Variants in FRMPD1 observed in about 807,000 individuals in gnomAD.
The protein encoded by FRMPD1 is FERM and PDZ domain-containing protein 1.
FRMPD1 carries 76 observed loss-of-function variants against 117.8 expected under a neutral mutation model. The ratio of observed to expected loss-of-function variants is 0.65; its 90% CI spans 0.54 to 0.78. The LOEUF (loss-of-function observed/expected upper bound fraction) is 0.78, where lower values mean the gene tolerates loss of function less well. Ranked by LOEUF, FRMPD1 falls within the 30% of genes least tolerant of loss-of-function variation. The probability of loss-of-function intolerance (pLI) is 0.00; values close to 1 mark genes in which losing one functional copy is unlikely to be tolerated. For synonymous variants in FRMPD1, 783 were observed against 770.4 expected (o/e 1.02, Z -0.27); for missense variants, 1,786 against 1,964.5 (o/e 0.91, Z 1.72).
intron 5 of FRMPD1, among the ~76,000 whole-genome samples, chr9:37,713,077 A>G (rs111799835): frequency 0.01 from 1,551 of 152,098 alleles, 25 homozygotes; most frequent in African/African-American, 0.034. Context: ...ATATTAATAT[A>G]TATACTTAAT....
At chr9:37,668,172 C>T (rs937454296) in intron 1 of FRMPD1, 1 of 152,262 alleles carries the variant, frequency 6.6e-6, no homozygotes, top group Admixed American at 6.5e-5. Flanking sequence ...TTTCCTCTCT[C>T]GACTGGCTCA....
chr9:37,632,946 A>C, the FRMPD1 span, among the ~76,000 whole-genome samples: 1 of 146,824 alleles, frequency 6.8e-6, no homozygotes, highest in African/African-American at 2.5e-5. Context: ...TATATATATA[A>C]AAATATATAC....
chr9:37,617,190 C>A, the FRMPD1 span, among the ~76,000 whole-genome samples: 1 of 151,704 alleles, frequency 6.6e-6, no homozygotes, highest in Non-Finnish European at 1.5e-5. Flanking sequence ...CTAAGCAGGT[C>A]TGTTTGGCTG....
chr9:37,713,636 C>A (rs1822994114), intron 5 of FRMPD1, among the ~76,000 whole-genome samples: 2 of 150,284 alleles, frequency 1.3e-5, no homozygotes, highest in African/African-American at 4.9e-5. Flanking sequence ...ATAGAGAGAC[C>A]TATATATATA....
chr9:37,633,169 AGCTGGGATTACAG>A, the FRMPD1 span, among the ~76,000 whole-genome samples: 1,309 of 151,932 alleles, frequency 8.6e-3, 17 homozygotes, highest in African/African-American at 0.03. Context: ...CCTCCCAAGT[AGCTGGGATTACAG>A]GCACCTGCCA....
At chr9:37,637,007 T>A in the FRMPD1 span, 1 of 1,568,302 alleles carries the variant, frequency 6.4e-7, no homozygotes, top group Non-Finnish European at 8.8e-7. Context: ...CACGTTGGCA[T>A]AGGATTCCTG....
chr9:37,659,053 A>G (rs1336608747), intron 1 of FRMPD1, among the ~76,000 whole-genome samples: 1 of 152,040 alleles, frequency 6.6e-6, no homozygotes, highest in East Asian at 1.9e-4. Flanking sequence ...TTTAGTAGAG[A>G]TGAGGCCTTG....
chr9:37,731,697 C>T (rs1053734962), intron 9 of FRMPD1, among the ~76,000 whole-genome samples: 1 of 152,070 alleles, frequency 6.6e-6, no homozygotes, highest in Non-Finnish European at 1.5e-5. Context: ...CATGGTGAAA[C>T]CCCGTCTCTA....
At chr9:37,721,977 T>C (rs1187153874) in intron 6 of FRMPD1, among the ~76,000 whole-genome samples, 1 of 152,160 alleles carries the variant, frequency 6.6e-6, no homozygotes, top group Non-Finnish European at 1.5e-5. Context: ...TAAGTGGTGG[T>C]AGTTATGTAA....
At chr9:37,665,394 G>A (rs531193618) in intron 1 of FRMPD1, among the ~76,000 whole-genome samples, 20 of 152,304 alleles carry the variant, frequency 1.3e-4, no homozygotes, top group African/African-American at 3.4e-4. Context: ...TTGTTTGAGC[G>A]TCACTAGGTG....
At chr9:37,629,697 T>A in the FRMPD1 span, among the ~76,000 whole-genome samples, 2 of 152,198 alleles carry the variant, frequency 1.3e-5, no homozygotes, top group South Asian at 2.1e-4. Flanking sequence ...TTAAAAAAAA[T>A]GTTGAAATTC....
intron 1 of FRMPD1, among the ~76,000 whole-genome samples, chr9:37,689,647 T>G (rs551107448): frequency 3.3e-5 from 5 of 152,326 alleles, no homozygotes; most frequent in African/African-American, 1.2e-4. Context: ...TGGATCTCAT[T>G]TCTTTTGTCC....
intron 2 of FRMPD1, among the ~76,000 whole-genome samples, chr9:37,701,635 A>T (rs1381262735): frequency 6.6e-6 from 1 of 152,078 alleles, no homozygotes; most frequent in Non-Finnish European, 1.5e-5. Context: ...TTTGACTGGA[A>T]CAAAAATATC....
intron 6 of FRMPD1, 143 bp downstream of exon 6, chr9:37,719,319 A>G: frequency 3.2e-6 from 2 of 634,106 alleles, no homozygotes; most frequent in Non-Finnish European, 5.8e-6. Flanking sequence ...GCGCCCTCCC[A>G]GTCAGATGCC....
intron 9 of FRMPD1, 91 bp downstream of exon 9, chr9:37,731,194 C>G: frequency 8.9e-7 from 1 of 1,125,070 alleles, no homozygotes; most frequent in Non-Finnish European, 1.3e-6. Context: ...GGCCATTAAA[C>G]AACTCCCTGG....
chr9:37,624,214 A>G, the FRMPD1 span, among the ~76,000 whole-genome samples: 1 of 152,224 alleles, frequency 6.6e-6, no homozygotes, highest in Admixed American at 6.5e-5. Flanking sequence ...CAAATAAGGG[A>G]GCAGGAAAAG....
chr9:37,697,832 T>C (rs1051579333), intron 2 of FRMPD1, among the ~76,000 whole-genome samples: 4 of 151,676 alleles, frequency 2.6e-5, no homozygotes, highest in Non-Finnish European at 4.4e-5. Context: ...TTACCAGTTC[T>C]TCGGCTGGGC....
the FRMPD1 span, among the ~76,000 whole-genome samples, chr9:37,622,833 A>G: frequency 6.6e-6 from 1 of 152,156 alleles, no homozygotes; most frequent in Non-Finnish European, 1.5e-5. Flanking sequence ...AAAAAGTAGG[A>G]TATTTCAAAG....
intron 7 of FRMPD1, among the ~76,000 whole-genome samples, chr9:37,727,071 G>C (rs1342387072): frequency 1.3e-5 from 2 of 152,230 alleles, no homozygotes; most frequent in African/African-American, 4.8e-5. Context: ...TGACAAGTGT[G>C]TGGGGCTTGT....
Sources: gnomAD v4.1 joint callset for allele counts (sites outside exome capture counted in the v4.1 genomes callset) on GRCh38, gnomAD v4.1.1 for gene constraint, MANE v1.5 for transcripts, NCBI Gene and HGNC (gene_info 2026-07-23, HGNC 2026-07-21) for gene names.